The following SHC4 variants were observed in gnomAD, a reference collection of about 807,000 sequenced individuals.
SHC4 encodes the protein SHC-transforming protein 4.
In SHC4, 41 loss-of-function variants were observed where a neutral mutation model predicts 69.4. The observed-to-expected ratio is 0.59, with a 90% CI of 0.46 to 0.77. The LOEUF (loss-of-function observed/expected upper bound fraction) is 0.77. Among genes scored for constraint, SHC4 ranks in the 30% least tolerant of loss-of-function variants. The pLI is 0.00. For synonymous variants in SHC4, 318 were observed against 299.3 expected (o/e 1.06, Z -0.64); for missense variants, 777 against 783.8 (o/e 0.99, Z 0.10).
chr15:48,901,821 T>A (rs74554427), intron 2 of SHC4, among the ~76,000 whole-genome samples: 2,238 of 152,240 alleles, frequency 0.015, 66 homozygotes, highest in African/African-American at 0.052. Context: ...ATATAAAAAG[T>A]AAGAATAATA....
At chr15:48,886,063 C>T (rs1218531015) in intron 3 of SHC4, among the ~76,000 whole-genome samples, 1 of 152,106 alleles carries the variant, frequency 6.6e-6, no homozygotes, top group Non-Finnish European at 1.5e-5. Flanking sequence ...TCGAGACCAG[C>T]GTGACCAACA....
intron 11 of SHC4, among the ~76,000 whole-genome samples, chr15:48,828,529 G>A (rs1363785456): frequency 6.6e-6 from 1 of 152,160 alleles, no homozygotes. Flanking sequence ...AAGTGAGGTT[G>A]CTAGATCATA....
chr15:48,845,704 T>A (rs540868982), intron 9 of SHC4, among the ~76,000 whole-genome samples: 26 of 152,264 alleles, frequency 1.7e-4, no homozygotes, highest in African/African-American at 6.3e-4. Context: ...TAAGTGTAGA[T>A]TTACATCTAT....
intron 4 of SHC4, among the ~76,000 whole-genome samples, chr15:48,872,985 C>A (rs1899715012): frequency 6.6e-6 from 1 of 152,090 alleles, no homozygotes; most frequent in South Asian, 2.1e-4. Context: ...ATAAGATGAC[C>A]AGCAATTTTA....
intron 6 of SHC4, among the ~76,000 whole-genome samples, chr15:48,860,826 G>A (rs940365733): frequency 2.6e-5 from 4 of 152,292 alleles, no homozygotes; most frequent in African/African-American, 9.6e-5. Flanking sequence ...TTATGGCAAG[G>A]TCCTTGTCTG....
At chr15:48,872,591 A>C (rs1371984116) in intron 4 of SHC4, among the ~76,000 whole-genome samples, 2 of 152,216 alleles carry the variant, frequency 1.3e-5, no homozygotes, top group African/African-American at 2.4e-5. Flanking sequence ...GAGAACTAAA[A>C]ATAGGAAAAA....
At chr15:48,849,095 T>C (rs1316670327) in intron 9 of SHC4, among the ~76,000 whole-genome samples, 3 of 152,116 alleles carry the variant, frequency 2.0e-5, no homozygotes, top group African/African-American at 7.2e-5. Context: ...ATTTTGAAGA[T>C]CCTTAGGATG....
intron 4 of SHC4, among the ~76,000 whole-genome samples, chr15:48,883,694 A>T (rs957412603): frequency 6.6e-6 from 1 of 152,268 alleles, no homozygotes; most frequent in Non-Finnish European, 1.5e-5. Flanking sequence ...TGAGGTTCAC[A>T]ATGAAAACTC....
rs189199361 is a variant in SHC4 at position 48,863,449 on chromosome 15, G to T, written c.946+4369C>A. On this transcript the variant is annotated intron_variant, in intron 6 of 11. Transcript: ENST00000332408. ...ATTGCTGCATCATAGTACATTCTAT[G>T]AGTTTATTTAATTTGCTACTTATGA... 4.1e-3 allele frequency among the ~76,000 whole-genome samples: 599 copies of T among 144,714 alleles called. 2 individuals carry two copies. Among genetic ancestry groups the T allele is most frequent in the African/African-American group, 0.015 (584 of 38,922 alleles). The allele number at this position is 144,714 out of a possible 152,430, so 94.9% of individuals were successfully genotyped here. A position where few individuals can be genotyped will look rare whatever the true frequency, so the allele number is the denominator to read the frequency against.
At chr15:48,829,406 G>T (rs1234276942) in intron 11 of SHC4, among the ~76,000 whole-genome samples, 1 of 151,748 alleles carries the variant, frequency 6.6e-6, no homozygotes, top group East Asian at 1.9e-4. Context: ...CATATATTTG[G>T]GTACCCTGAT....
At chr15:48,877,854 T>A (rs1016749204) in intron 4 of SHC4, 1 of 226,974 alleles carries the variant, frequency 4.4e-6, no homozygotes, top group African/African-American at 2.3e-5. Context: ...ACGAAGGCCA[T>A]GTAAGGTTAT....
intron 8 of SHC4, among the ~76,000 whole-genome samples, chr15:48,852,632 C>T (rs12440364): frequency 0.32 from 49,239 of 152,044 alleles, 9,356 homozygotes; most frequent in Middle Eastern, 0.48. Context: ...CCAGGCGTGA[C>T]GGCTCACGCT....
At chr15:48,919,641 T>C (rs1039283032) in intron 2 of SHC4, among the ~76,000 whole-genome samples, 2 of 152,032 alleles carry the variant, frequency 1.3e-5, no homozygotes, top group Admixed American at 6.6e-5. Context: ...CATGGACCCA[T>C]GATGTCCATG....
At chr15:48,878,634 A>G (rs766573298) in intron 4 of SHC4, 5 of 1,614,062 alleles carry the variant, frequency 3.1e-6, no homozygotes, top group Non-Finnish European at 3.4e-6. Flanking sequence ...CATTATGAGA[A>G]GACCCCGTTT....
At chr15:48,860,313 T>C (rs1899416887) in intron 6 of SHC4, among the ~76,000 whole-genome samples, 1 of 151,996 alleles carries the variant, frequency 6.6e-6, no homozygotes, top group African/African-American at 2.4e-5. Flanking sequence ...CAGGAGTTCA[T>C]GGCCAACATG....
intron 2 of SHC4, among the ~76,000 whole-genome samples, chr15:48,895,712 G>A (rs949080379): frequency 2.0e-5 from 3 of 152,112 alleles, no homozygotes; most frequent in South Asian, 2.1e-4. Flanking sequence ...TTTACAGAGC[G>A]CCCAAAATCT....
At chr15:48,827,287 A>T (rs746130828) in intron 11 of SHC4, among the ~76,000 whole-genome samples, 1 of 151,830 alleles carries the variant, frequency 6.6e-6, no homozygotes, top group Non-Finnish European at 1.5e-5. Flanking sequence ...ACTATGACTT[A>T]GATAGTATTG....
chr15:48,849,107 T>C (rs1464822793), intron 9 of SHC4, among the ~76,000 whole-genome samples: 1 of 152,166 alleles, frequency 6.6e-6, no homozygotes, highest in Non-Finnish European at 1.5e-5. Context: ...CTTAGGATGC[T>C]GTTGTAGGTT....
chr15:48,880,086 G>A (rs1032395841), intron 4 of SHC4: 1 of 167,104 alleles, frequency 6.0e-6, no homozygotes, highest in African/African-American at 2.4e-5. Flanking sequence ...AGCAAAATAA[G>A]TGTATCAGCA....
Sources: gnomAD v4.1 joint callset for allele counts (sites outside exome capture counted in the v4.1 genomes callset) on GRCh38, gnomAD v4.1.1 for gene constraint, MANE v1.5 for transcripts, NCBI Gene and HGNC (gene_info 2026-07-23, HGNC 2026-07-21) for gene names.